Variants in PLXDC1 observed in about 807,000 individuals in gnomAD.
PLXDC1 encodes the protein plexin domain containing 1.
A neutral mutation model predicts 61.3 loss-of-function variants in PLXDC1; 39 were observed. The observed-to-expected ratio is 0.64, with a 90% CI of 0.49 to 0.83. The LOEUF is 0.83. PLXDC1 is among the 40% of genes least tolerant of loss of function. The pLI is 0.00. For synonymous variants in PLXDC1, 212 were observed against 254.5 expected (o/e 0.83, Z 1.59); for missense variants, 596 against 666.5 (o/e 0.89, Z 1.17).
intron 2 of PLXDC1, among the ~76,000 whole-genome samples, chr17:39,137,903 G>A (rs1454658838): frequency 6.6e-6 from 1 of 151,976 alleles, no homozygotes; most frequent in Non-Finnish European, 1.5e-5. Context: ...GGGGATAAAG[G>A]AACTGACAGG....
intron 7 of PLXDC1, among the ~76,000 whole-genome samples, chr17:39,103,242 A>G (rs1402129944): frequency 1.3e-5 from 2 of 151,822 alleles, no homozygotes; most frequent in African/African-American, 2.4e-5. Flanking sequence ...ATGCATTACT[A>G]AATAAGCTGG....
upstream of PLXDC1, chr17:39,152,737 G>C (rs1204451063): frequency 8.4e-7 from 1 of 1,191,738 alleles, no homozygotes; most frequent in East Asian, 3.2e-5. Context: ...GTACACTGTG[G>C]GCTGGAAGAG....
At chr17:39,152,372 G>A, upstream of PLXDC1, 1 of 521,722 alleles carries the variant, frequency 1.9e-6, no homozygotes, top group Non-Finnish European at 2.9e-6. Flanking sequence ...GCCAGCCCCA[G>A]ACGAGGAAAT....
At position 39,077,913 on chromosome 17, in the gene PLXDC1, C is replaced by T. The variant is rs1180034931; in HGVS notation, c.1186G>A (p.Asp396Asn). ...CTCCCCTCCTGGGCTCAGAACTTAC[C>T]TTCTGTGGTGAGGCTGTCGATGAAG... The part of the protein sequence containing the change: ...SLFIDSLTTE[D>N]DTKLNPYAGG... The change falls in exon 11 of 14, where the codon GAT becomes AAT. Residue 396 changes from aspartate (D) to asparagine (N), a missense_variant and splice_region_variant. Coordinates refer to ENST00000315392, the MANE Select transcript of PLXDC1 (RefSeq NM_020405.5). The T allele has an allele frequency of 6.2e-7, 1 of 1,613,986 alleles. No homozygotes were observed. The highest frequency in any genetic ancestry group is 1.3e-5 in the African/African-American group (1 of 74,928).
At chr17:39,152,781 A>C (rs2045382880), upstream of PLXDC1, 11 of 821,232 alleles carry the variant, frequency 1.3e-5, no homozygotes, top group Non-Finnish European at 1.8e-5. Flanking sequence ...AAAAAAAAAA[A>C]AAAGAAAAGA....
chr17:39,115,517 G>A (rs1301632715), intron 2 of PLXDC1, among the ~76,000 whole-genome samples: 1 of 152,220 alleles, frequency 6.6e-6, no homozygotes, highest in Non-Finnish European at 1.5e-5. Context: ...ATTACTCCAG[G>A]ACAGTGAAGC....
intron 7 of PLXDC1, among the ~76,000 whole-genome samples, chr17:39,088,943 G>GAAAAAAAA (rs56714275): frequency 9.4e-5 from 6 of 63,912 alleles, no homozygotes; most frequent in Non-Finnish European, 1.1e-4. Context: ...GAGCAAGACT[G>GAAAAAAAA]AAAAAAAAAA....
intron 11 of PLXDC1, among the ~76,000 whole-genome samples, chr17:39,077,400 A>C (rs1048469053): frequency 6.6e-6 from 1 of 152,142 alleles, no homozygotes; most frequent in African/African-American, 2.4e-5. Flanking sequence ...GCAAGACCTG[A>C]ATAGTCAGGG....
intron 2 of PLXDC1, among the ~76,000 whole-genome samples, chr17:39,131,269 T>C (rs894749307): frequency 2.6e-5 from 4 of 152,052 alleles, no homozygotes; most frequent in Non-Finnish European, 5.9e-5. Flanking sequence ...GCCGGGCTCC[T>C]CCACAGCACT....
chr17:39,120,425 AT>A (rs1241969347), intron 2 of PLXDC1, among the ~76,000 whole-genome samples: 2 of 151,850 alleles, frequency 1.3e-5, no homozygotes, highest in Non-Finnish European at 2.9e-5. Context: ...GACCCAGCAT[AT>A]TGAGTCTTGC....
intron 2 of PLXDC1, among the ~76,000 whole-genome samples, chr17:39,126,417 A>G (rs1911313275): frequency 6.6e-6 from 1 of 152,226 alleles, no homozygotes; most frequent in Non-Finnish European, 1.5e-5. Context: ...TATAAGCAAG[A>G]GTTAAGTTCC....
At position 39,108,962 on chromosome 17, in the gene PLXDC1, C is replaced by A. The variant is rs139019244; in HGVS notation, c.411G>T (p.Leu137Phe). The A allele has an allele frequency of 1.3e-5, 21 of 1,612,788 alleles. No homozygotes were observed. In the African/African-American group the frequency reaches 2.4e-4, roughly 18 times the overall value. ...NTHRQASRVV[L>F]SFDFPFYGHP... ...GCCCGTAGAAAGGGAAATCAAAGGA[C>A]AAGACCACTCTCTGCAGGGGATGGG... The change falls in exon 4 of 14, where the codon TTG becomes TTT. Residue 137 changes from leucine (L) to phenylalanine (F), a missense_variant. By Grantham distance (22) the Leu-to-Phe change is conservative (BLOSUM62 0). Coordinates refer to ENST00000315392, the MANE Select transcript of PLXDC1 (RefSeq NM_020405.5).
At chr17:39,095,460 A>G (rs1306573295) in intron 7 of PLXDC1, among the ~76,000 whole-genome samples, 12 of 136,988 alleles carry the variant, frequency 8.8e-5, no homozygotes, top group Non-Finnish European at 4.5e-5. Context: ...TTCCATCTCC[A>G]TGACCAACAG....
chr17:39,149,269 G>A (rs1246822872), intron 1 of PLXDC1, among the ~76,000 whole-genome samples: 5 of 152,078 alleles, frequency 3.3e-5, no homozygotes, highest in Non-Finnish European at 5.9e-5. Flanking sequence ...GAGCCTTGGG[G>A]AAGGATGCTA....
chr17:39,079,284 G>A, intron 9 of PLXDC1, 120 bp from the exon 10 acceptor site: 1 of 810,204 alleles, frequency 1.2e-6, no homozygotes, highest in African/African-American at 1.7e-5. Context: ...CCCAGGCTGA[G>A]GTAGTCAGGC....
At chr17:39,138,035 C>G (rs932976512) in intron 2 of PLXDC1, among the ~76,000 whole-genome samples, 18 of 152,266 alleles carry the variant, frequency 1.2e-4, no homozygotes, top group African/African-American at 4.1e-4. Flanking sequence ...CAGGCTCAAG[C>G]AATCCTCCAG....
At position 39,086,577 on chromosome 17, in the gene PLXDC1, C is replaced by T. The variant is rs143558640; in HGVS notation, c.907+1030G>A. 7.1e-3 allele frequency among the ~76,000 whole-genome samples: 1,072 copies of T among 152,044 alleles called. 23 individuals are homozygous for T. The highest frequency in any genetic ancestry group is 0.025 in the African/African-American group (1,020 of 41,452). ...ACATGGTGGCTCACGCCTGAAATCC[C>T]AGCACCAGGCGTGGTGGCTCACACC... On this transcript the variant is annotated intron_variant, in intron 8 of 13. Transcript: ENST00000315392.
Position 39,151,254 on chromosome 17 carries a change from G to A in PLXDC1, c.76+108C>T, listed in dbSNP as rs957558018. On this transcript the variant is annotated intron_variant, in intron 1 of 13. Coordinates refer to ENST00000315392, the MANE Select transcript of PLXDC1 (RefSeq NM_020405.5). This position sits in a 1 kb window ranked among gnomAD's most constrained non-coding sequence, Gnocchi z 5.2. ...GCTCTCCTGGCCTCCTGCGGACAAT[G>A]CCCCCCTCGCGGACATCGCCAGGCC... 2 of 813,100 alleles carry A rather than the reference G, an allele frequency of 2.5e-6. No individual in the cohort carries two copies. Among genetic ancestry groups the A allele is most frequent in the Non-Finnish European group, 3.3e-6 (2 of 603,730 alleles). The allele number at this position is 813,100 out of a possible 1,614,324, so 50.4% of individuals were successfully genotyped here.
chr17:39,098,873 G>A (rs1167183226), intron 7 of PLXDC1, among the ~76,000 whole-genome samples: 2 of 152,178 alleles, frequency 1.3e-5, no homozygotes, highest in South Asian at 2.1e-4. Flanking sequence ...AGAGGGCGGT[G>A]AGCGGAGGGA....
Sources: gnomAD v4.1 joint callset for allele counts (sites outside exome capture counted in the v4.1 genomes callset) on GRCh38, gnomAD v4.1.1 for gene constraint, Gnocchi (gnomAD v3.1) non-coding constraint, MANE v1.5 for transcripts, NCBI Gene and HGNC (gene_info 2026-07-23, HGNC 2026-07-21) for gene names.